The following UMODL1 variants were observed in gnomAD, a reference collection of about 807,000 sequenced individuals.
UMODL1 encodes the protein uromodulin like 1.
A neutral mutation model predicts 136.3 loss-of-function variants in UMODL1; 128 were observed. That is an observed-to-expected ratio of 0.94 (90% CI 0.81 to 1.09). The LOEUF is 1.09. Ranked by LOEUF, UMODL1 falls within the 50% of genes least tolerant of loss-of-function variation. The pLI is 0.00. For synonymous variants in UMODL1, 721 were observed against 720.0 expected (o/e 1.00, Z -0.02); for missense variants, 1,766 against 1,725.6 (o/e 1.02, Z -0.41).
rs907522958 is a variant in UMODL1 at position 42,110,893 on chromosome 21, C to A, written c.1671C>A (p.Ser557Arg). The change falls in exon 11 of 23, where the codon AGC becomes AGA. Residue 557 changes from serine (S) to arginine (R), a missense_variant. Physicochemically the swap from Ser to Arg is moderately radical, Grantham distance 110 (BLOSUM62 -1). Transcript: ENST00000408910. ...AGRACEGDLV[S>R]PMGGGLSAAT... ...GTGTCTTGGCAGGTGACCTGGTGAG[C>A]CCCATGGGCGGTGGACTGTCTGCGG... 3 of 1,606,600 alleles carry A rather than the reference C, an allele frequency of 1.9e-6. No individual in the cohort carries two copies.
At chr21:42,138,291 G>A (rs1387083136) in intron 22 of UMODL1, among the ~76,000 whole-genome samples, 3 of 152,204 alleles carry the variant, frequency 2.0e-5, no homozygotes, top group African/African-American at 7.2e-5. Context: ...CCTAACGATG[G>A]TCCTCGGCCG....
At chr21:42,090,489 G>GC in intron 6 of UMODL1, 51 bp downstream of exon 6, 1 of 1,601,060 alleles carries the variant, frequency 6.2e-7, no homozygotes, top group East Asian at 2.2e-5. Flanking sequence ...ATTCCTGTTT[G>GC]CCCCGGGAAT....
chr21:42,085,451 T>TA lies in UMODL1; in HGVS notation c.603+39_603+40insA, dbSNP rs1569145598. On this transcript the variant is annotated intron_variant, in intron 4 of 22. Transcript: ENST00000408910. This position sits in a 1 kb window ranked among gnomAD's most constrained non-coding sequence, Gnocchi z 4.5. Reference sequence around the variant, plus strand: ...ACGGGGGCTGCCTGCACCCTCCTTGTGGCAGCTGCTCAGGCAGACCCAGGT... The same window carrying TA: ...ACGGGGGCTGCCTGCACCCTCCTTGTAGGCAGCTGCTCAGGCAGACCCAGGT... 6.2e-7 allele frequency: 1 copy of TA among 1,612,666 alleles called. No homozygotes were observed. Among genetic ancestry groups the TA allele is most frequent in the Non-Finnish European group, 8.5e-7 (1 of 1,179,618 alleles).
intron 18 of UMODL1, among the ~76,000 whole-genome samples, chr21:42,126,746 C>T (rs1204847894): frequency 6.6e-6 from 1 of 152,210 alleles, no homozygotes; most frequent in African/African-American, 2.4e-5. Flanking sequence ...GCCACCCAAG[C>T]CTCCATCAGG....
chr21:42,098,863 C>T, intron 6 of UMODL1, 63 bp from the exon 7 acceptor site: 1 of 1,586,060 alleles, frequency 6.3e-7, no homozygotes, highest in Non-Finnish European at 8.6e-7. Flanking sequence ...CTGTTACCTG[C>T]TTCAGAAGAG....
rs2066836089 is a variant in UMODL1, at chr21:42,111,795, G to A, written c.2104+85G>A. 3.0e-5 allele frequency: 40 copies of A among 1,336,886 alleles called. No homozygotes were observed. In the Middle Eastern group the frequency reaches 5.6e-4, roughly 19 times the overall value. The allele number at this position is 1,336,886 out of a possible 1,614,324, so 82.8% of individuals were successfully genotyped here. ...CCTCTGGGGCAAAGCTCCTGCAGCC[G>A]TGGAGTCGCAGGCTGCTAGCAATGC... is the stretch of plus-strand genomic sequence containing the variant. On this transcript the variant is annotated intron_variant, in intron 12 of 22. Transcript: ENST00000408910.
chr21:42,136,250 AG>A (rs2067203798), intron 21 of UMODL1, among the ~76,000 whole-genome samples: 1 of 152,228 alleles, frequency 6.6e-6, no homozygotes, highest in African/African-American at 2.4e-5. Context: ...ACTGTGTTAG[AG>A]TAAACGACTC....
intron 1 of UMODL1, among the ~76,000 whole-genome samples, chr21:42,063,972 C>T (rs2066162695): frequency 6.6e-6 from 1 of 152,140 alleles, no homozygotes; most frequent in Admixed American, 6.5e-5. Context: ...AAGAGATGCT[C>T]AGCGCCTGTG....
At chr21:42,075,643 G>A (rs73223511) in intron 1 of UMODL1, among the ~76,000 whole-genome samples, 1,763 of 152,354 alleles carry the variant, frequency 0.012, 10 homozygotes, top group Middle Eastern at 0.02. Context: ...ACAAAGGGAC[G>A]TGATCTCTAA....
At chr21:42,101,999 C>G (rs2066640260) in intron 7 of UMODL1, 167 bp from the exon 8 acceptor site, 3 of 557,018 alleles carry the variant, frequency 5.4e-6, no homozygotes, top group Admixed American at 3.2e-5. Flanking sequence ...TGTTTATTCT[C>G]TCGTTTCTTA....
chr21:42,082,243 C>A (rs148944383), intron 2 of UMODL1, among the ~76,000 whole-genome samples: 1 of 152,220 alleles, frequency 6.6e-6, no homozygotes, highest in Non-Finnish European at 1.5e-5. Flanking sequence ...GCCGCCACCT[C>A]TTTCTTCGTT....
At position 42,090,360 on chromosome 21, in the gene UMODL1, C is replaced by A. The variant is rs185926539; in HGVS notation, c.853C>A (p.Leu285Met). 6.8e-6 allele frequency: 11 copies of A among 1,614,106 alleles called. No individual in the cohort carries two copies. Among genetic ancestry groups the A allele is most frequent in the Non-Finnish European group, 9.3e-6 (11 of 1,179,984 alleles). ...ACSGRELCAN[L>M]EGSYWCVCHQ... ...CTCTGGAAGGGAACTGTGCGCAAAC[C>A]TGGAGGGCTCGTACTGGTGCGTCTG... Residue 285 changes from leucine to methionine, a missense_variant, in exon 6 of 23, where the codon CTG (leucine) becomes ATG (methionine). Leu to Met is a conservative substitution (Grantham distance 15). Transcript: ENST00000408910.
chr21:42,104,144 G>C (rs1271408298), intron 9 of UMODL1, 57 bp downstream of exon 9: 13 of 1,524,336 alleles, frequency 8.5e-6, no homozygotes, highest in Non-Finnish European at 1.8e-6. Context: ...AAATCCTCTT[G>C]GTGACTTTAT....
intron 1 of UMODL1, among the ~76,000 whole-genome samples, chr21:42,064,553 T>C (rs185626798): frequency 6.6e-6 from 1 of 152,300 alleles, no homozygotes; most frequent in Admixed American, 6.5e-5. Flanking sequence ...AATTTCTTTC[T>C]TTCTTTTCTT....
intron 13 of UMODL1, among the ~76,000 whole-genome samples, chr21:42,115,103 C>G (rs2146513569): frequency 6.6e-6 from 1 of 152,352 alleles, no homozygotes; most frequent in Middle Eastern, 3.4e-3. Context: ...GAGATGGACT[C>G]TAAGCCCCCT....
rs765019021 is a variant in UMODL1 at position 42,113,642 on chromosome 21, C to T, written c.2174C>T (p.Ala725Val). The T allele has an allele frequency of 4.3e-5, 70 of 1,613,942 alleles. No homozygotes were observed. Among genetic ancestry groups the T allele is most frequent in the East Asian group, 2.2e-4 (10 of 44,892 alleles). Residue 725 changes from alanine to valine, a missense_variant, in exon 13 of 23, where the codon GCG (alanine) becomes GTG (valine). Ala to Val is a moderately conservative substitution (Grantham distance 64, BLOSUM62 0). Coordinates refer to ENST00000408910, the MANE Select transcript of UMODL1 (RefSeq NM_001004416.3). Reference sequence around the variant, plus strand: ...ACCGGCTTCCACCTGGCATGGGAGGCGGATCTTGCTATGGACTCCACCTTC... The same window carrying T: ...ACCGGCTTCCACCTGGCATGGGAGGTGGATCTTGCTATGGACTCCACCTTC... ...TSTGFHLAWE[A>V]DLAMDSTFQL...
rs537987921 is a variant in UMODL1, at chr21:42,122,565, G to A, written c.2828-266G>A. Among the ~76,000 whole-genome samples, 10 of 146,770 alleles carry A rather than the reference G, an allele frequency of 6.8e-5. No individual in the cohort carries two copies. In the South Asian group the frequency reaches 1.1e-3, roughly 16 times the overall value. ...TGTGTGCGTGTGTGTGTGTCTGCAC[G>A]TGTGTGCGTGCGTGTGTGCATGTGT... On this transcript the variant is annotated intron_variant, in intron 16 of 22. Transcript: ENST00000408910. This position sits in a 1 kb window ranked among gnomAD's most constrained non-coding sequence, Gnocchi z 4.3.
chr21:42,072,478 CA>C (rs1025626535), intron 1 of UMODL1, among the ~76,000 whole-genome samples: 92 of 152,302 alleles, frequency 6.0e-4, no homozygotes, highest in African/African-American at 2.1e-3. Flanking sequence ...AGTTCAGATG[CA>C]TAATGGGTGG....
At chr21:42,090,796 T>C (rs1047894898) in intron 6 of UMODL1, among the ~76,000 whole-genome samples, 4 of 152,220 alleles carry the variant, frequency 2.6e-5, no homozygotes, top group South Asian at 2.1e-4. Context: ...TTTTCTGAAA[T>C]AGATGATTCT....
Sources: gnomAD v4.1 joint callset for allele counts (sites outside exome capture counted in the v4.1 genomes callset) on GRCh38, gnomAD v4.1.1 for gene constraint, Gnocchi (gnomAD v3.1) non-coding constraint, MANE v1.5 for transcripts, NCBI Gene and HGNC (gene_info 2026-07-23, HGNC 2026-07-21) for gene names.